Variants in WDFY4 observed in about 807,000 individuals in gnomAD.
WDFY4 encodes WD repeat- and FYVE domain-containing protein 4.
In WDFY4, 169 loss-of-function variants were observed where a neutral mutation model predicts 351.9. The observed-to-expected ratio is 0.48, with a 90% CI of 0.42 to 0.55. WDFY4 has a LOEUF of 0.55. WDFY4 is among the 20% of genes least tolerant of loss of function. WDFY4 has a pLI of 0.00. For synonymous variants in WDFY4, 1,622 were observed against 1,574.6 expected, an observed-to-expected ratio of 1.03 and a Z score of -0.71; for missense variants, 3,803 against 3,935.6, an observed-to-expected ratio of 0.97 and a Z score of 0.90.
chr10:48,745,600 G>A (rs757216740), intron 12 of WDFY4: 23 of 516,308 alleles, frequency 4.5e-5, no homozygotes, highest in Middle Eastern at 5.7e-4. Context: ...GTTCTTTTTG[G>A]CCTGTTTCTG....
intron 43 of WDFY4, among the ~76,000 whole-genome samples, chr10:48,881,525 G>A (rs2070249484): frequency 6.6e-6 from 1 of 152,172 alleles, no homozygotes; most frequent in Admixed American, 6.5e-5. Flanking sequence ...AAGGTTTTGG[G>A]AAAAAGAGGG....
rs2132337098 is a variant in WDFY4, at chr10:48,731,185, G to A, written c.1205G>A (p.Cys402Tyr). Residue 402 changes from cysteine to tyrosine, a missense_variant, in exon 9 of 62, where the codon TGC becomes TAC. Cys to Tyr is a radical substitution (Grantham distance 194). Transcript: ENST00000325239. ...VFHKASDSVL[C>Y]IQVLSVIRTM... ...CACAAAGCCAGTGACTCTGTCCTCT[G>A]CATACAAGTCTTGTCAGTCATCAGG... is the stretch of plus-strand genomic sequence containing the variant. 6.4e-7 allele frequency: 1 copy of A among 1,551,762 alleles called. No homozygotes were observed. The highest frequency in any genetic ancestry group is 1.4e-5 in the African/African-American group (1 of 73,162).
chr10:48,890,470 C>G lies in WDFY4; in HGVS notation c.7168-109C>G, dbSNP rs148208000. The G allele has an allele frequency of 5.9e-6, 8 of 1,355,258 alleles. No homozygotes were observed. In the Admixed American group the frequency reaches 1.2e-4, roughly 21 times the overall value. 84.0% of individuals were successfully genotyped at this position (1,355,258 alleles called of 1,614,324 possible). On this transcript the variant is annotated intron_variant, in intron 43 of 61. Coordinates refer to ENST00000325239, the MANE Select transcript of WDFY4 (RefSeq NM_001394531.1). Reference sequence around the variant, plus strand: ...ACTGCCATTCATACAAGGCACTGCTCTCACCTCCAATTGCCCCATGGATGG... The same window carrying G: ...ACTGCCATTCATACAAGGCACTGCTGTCACCTCCAATTGCCCCATGGATGG...
chr10:48,976,721 A>T (rs1284164779), intron 58 of WDFY4, 76 bp from the exon 59 acceptor site: 14 of 1,276,102 alleles, frequency 1.1e-5, no homozygotes, highest in Non-Finnish European at 1.4e-5. Flanking sequence ...TGGGTGTACC[A>T]ACTGGGTAGC....
rs896868919 is a variant in WDFY4, at chr10:48,716,545, T to C, written c.235-3466T>C. The stretch of plus-strand genomic sequence containing the variant: ...CTCTTTGGGGTCCCCATGGTACCAT[T>C]TAGTAAATGATTGGCTCTGTGCATC... On this transcript the variant is annotated intron_variant, in intron 2 of 61. Transcript: ENST00000325239. 2.0e-5 allele frequency among the ~76,000 whole-genome samples: 3 copies of C among 152,152 alleles called. 1 individual carries two copies. Among genetic ancestry groups the C allele is most frequent in the African/African-American group, 7.2e-5 (3 of 41,408 alleles).
chr10:48,867,130 A>G (rs1398224147), intron 39 of WDFY4, 135 bp from the exon 40 acceptor site: 1 of 281,434 alleles, frequency 3.6e-6, no homozygotes, highest in African/African-American at 2.3e-5. Context: ...AGATTGTGCC[A>G]CTGCACTCCA....
At chr10:48,927,335 T>C (rs1320819658) in intron 47 of WDFY4, among the ~76,000 whole-genome samples, 1 of 152,012 alleles carries the variant, frequency 6.6e-6, no homozygotes, top group Non-Finnish European at 1.5e-5. Flanking sequence ...TCCGCAACAC[T>C]CTCCTTTGTG....
At chr10:48,951,594 GCAAACAAAAACAAA>G (rs1357918888) in intron 51 of WDFY4, among the ~76,000 whole-genome samples, 2 of 151,884 alleles carry the variant, frequency 1.3e-5, no homozygotes, top group African/African-American at 2.4e-5. Flanking sequence ...AAACAAACAA[GCAAACAAAAACAAA>G]CAAACAAAAA....
intron 47 of WDFY4, among the ~76,000 whole-genome samples, chr10:48,934,447 T>C (rs377068771): frequency 6.6e-6 from 1 of 152,182 alleles, no homozygotes; most frequent in South Asian, 2.1e-4. Context: ...GAGAAACTTG[T>C]GTGGAGTCAC....
At chr10:48,732,838 T>C (rs529288401) in intron 9 of WDFY4, among the ~76,000 whole-genome samples, 1 of 152,296 alleles carries the variant, frequency 6.6e-6, no homozygotes, top group Admixed American at 6.5e-5. Flanking sequence ...CTCAGGCGTC[T>C]TATGGAGGCC....
chr10:48,691,323 G>T (rs980671604), intron 1 of WDFY4, among the ~76,000 whole-genome samples: 11 of 152,172 alleles, frequency 7.2e-5, no homozygotes, highest in Non-Finnish European at 1.6e-4. Context: ...AGGCGCAGGA[G>T]CCCAGCACCC....
chr10:48,825,268 T>C (rs1248723873), intron 35 of WDFY4, among the ~76,000 whole-genome samples: 2 of 152,244 alleles, frequency 1.3e-5, no homozygotes, highest in African/African-American at 4.8e-5. Flanking sequence ...TCTCCATCCA[T>C]GTCACTGCAA....
intron 39 of WDFY4, among the ~76,000 whole-genome samples, chr10:48,862,572 G>T (rs1034703822): frequency 5.3e-5 from 8 of 152,052 alleles, no homozygotes; most frequent in Non-Finnish European, 8.8e-5. Context: ...ACAGCTCAAG[G>T]TTGTTCTATA....
intron 35 of WDFY4, chr10:48,823,970 G>A: frequency 1.0e-6 from 1 of 985,414 alleles, no homozygotes; most frequent in Non-Finnish European, 1.2e-6. Context: ...AAATTCTAAG[G>A]GAGTAGCCTA....
chr10:48,784,444 C>G (rs1268881164), intron 19 of WDFY4, among the ~76,000 whole-genome samples: 1 of 149,270 alleles, frequency 6.7e-6, no homozygotes, highest in African/African-American at 2.5e-5. Flanking sequence ...TGAACATCAC[C>G]TTTTCATGTG....
At chr10:48,922,279 T>C (rs1839151706) in intron 47 of WDFY4, among the ~76,000 whole-genome samples, 1 of 152,210 alleles carries the variant, frequency 6.6e-6, no homozygotes, top group Admixed American at 6.5e-5. Context: ...GAATCATCCC[T>C]TTTTCCAGTG....
chr10:48,881,231 G>A (rs1025982666), intron 43 of WDFY4, among the ~76,000 whole-genome samples: 2 of 152,236 alleles, frequency 1.3e-5, no homozygotes, highest in Non-Finnish European at 2.9e-5. Flanking sequence ...AGTAAGAAGG[G>A]GCGTTGGAAG....
chr10:48,891,231 C>T (rs916084525), intron 44 of WDFY4, among the ~76,000 whole-genome samples: 3 of 152,116 alleles, frequency 2.0e-5, no homozygotes, highest in Admixed American at 2.0e-4. Context: ...GGAAGAGCTA[C>T]CTGAGGAAGG....
intron 47 of WDFY4, among the ~76,000 whole-genome samples, chr10:48,919,157 G>A (rs1838822085): frequency 6.6e-6 from 1 of 151,562 alleles, no homozygotes; most frequent in African/African-American, 2.4e-5. Context: ...TAATGAAACA[G>A]ATAGCCAGAC....
Sources: allele counts gnomAD v4.1 joint callset (sites outside exome capture counted in the v4.1 genomes callset), GRCh38; gene constraint gnomAD v4.1.1; transcripts MANE v1.5; gene names NCBI Gene and HGNC (gene_info 2026-07-23, HGNC 2026-07-21).